SMPD3: variants seen among roughly 807,000 people sequenced by gnomAD.
SMPD3 encodes sphingomyelin phosphodiesterase 3.
Under a neutral mutation model 55.7 loss-of-function variants are expected in SMPD3, and 21 were observed. The observed-to-expected ratio is 0.38, with a 90% CI of 0.27 to 0.54. The LOEUF (loss-of-function observed/expected upper bound fraction) is 0.54, where lower values mean the gene tolerates loss of function less well. Among genes scored for constraint, SMPD3 ranks in the 20% least tolerant of loss-of-function variants. The pLI is 0.80. For missense variants in SMPD3, 842 were observed against 899.6 expected, an observed-to-expected ratio of 0.94 and a Z score of 0.82; for synonymous variants, 457 against 404.3, an observed-to-expected ratio of 1.13 and a Z score of -1.56.
At position 68,363,734 on chromosome 16, in the gene SMPD3, T is replaced by TG; in HGVS notation, c.1645+42dup. On this transcript the variant is annotated intron_variant, in intron 6 of 8. Coordinates refer to ENST00000219334, the MANE Select transcript of SMPD3 (RefSeq NM_018667.4). Reference sequence around the variant, plus strand: ...CCTGGTGATCTTTGAGGGAAGTCTGTGGGGAGCCCAGCTCCCATCCTCCTC... The same window carrying TG: ...CCTGGTGATCTTTGAGGGAAGTCTGTGGGGGAGCCCAGCTCCCATCCTCCTC... 2.0e-6 allele frequency: 3 copies of TG among 1,517,582 alleles called. No individual in the cohort carries two copies. The South Asian group carries it at 3.6e-5, about 18-fold the overall frequency. The allele number at this position is 1,517,582 out of a possible 1,614,324, so 94.0% of individuals were successfully genotyped here.
chr16:68,435,512 T>TC (rs1391506697), intron 1 of SMPD3, among the ~76,000 whole-genome samples: 1 of 150,718 alleles, frequency 6.6e-6, no homozygotes. Flanking sequence ...AGTTGGTTGC[T>TC]CCCCCGTATC....
chr16:68,402,896 G>A (rs1314470949), intron 1 of SMPD3, among the ~76,000 whole-genome samples: 1 of 152,364 alleles, frequency 6.6e-6, no homozygotes, highest in South Asian at 2.1e-4. Flanking sequence ...CCAGGAAGAC[G>A]CTGAGAAGGG....
intron 2 of SMPD3, 88 bp from the exon 3 acceptor site, chr16:68,372,475 C>T (rs1333091008): frequency 2.1e-6 from 1 of 476,176 alleles, no homozygotes; most frequent in African/African-American, 2.0e-5. Context: ...TCATCCCACT[C>T]CTGCTTCCCC....
At chr16:68,438,042 G>T (rs1331564211) in intron 1 of SMPD3, among the ~76,000 whole-genome samples, 1 of 152,122 alleles carries the variant, frequency 6.6e-6, no homozygotes. Context: ...CCCAACTCAG[G>T]CCCTCCCAGC....
At chr16:68,380,391 G>T (rs551428755) in intron 2 of SMPD3, among the ~76,000 whole-genome samples, 5 of 152,398 alleles carry the variant, frequency 3.3e-5, no homozygotes, top group Non-Finnish European at 5.9e-5. Flanking sequence ...CTCCGGGGCC[G>T]AACTGGAGCA....
At chr16:68,395,749 T>C (rs977755456) in intron 1 of SMPD3, among the ~76,000 whole-genome samples, 2 of 152,258 alleles carry the variant, frequency 1.3e-5, no homozygotes, top group African/African-American at 4.8e-5. Context: ...TAGACATTCC[T>C]ATACATGAGA....
Position 68,358,639 on chromosome 16 carries a change from T to C in SMPD3, c.*2567A>G, listed in dbSNP as rs766039102. On this transcript the variant is annotated 3_prime_UTR_variant, in exon 9 of 9. Transcript: ENST00000219334. ...TAGTTAAAAAGCATCAAGATTAATA[T>C]ACTTAAAACTTAAGGTGGTTTTGGA... The C allele has an allele frequency of 2.0e-5, 3 of 152,684 alleles. No individual in the cohort carries two copies. Among genetic ancestry groups the C allele is most frequent in the Admixed American group, 6.5e-5 (1 of 15,288 alleles). 9.5% of individuals were successfully genotyped at this position (152,684 alleles called of 1,614,324 possible).
chr16:68,392,967 C>A (rs2090125368), intron 1 of SMPD3, among the ~76,000 whole-genome samples: 1 of 151,564 alleles, frequency 6.6e-6, no homozygotes, highest in African/African-American at 2.4e-5. Context: ...TCAGCCAGAA[C>A]ATTGATCTCA....
At chr16:68,403,121 C>G (rs1218915273) in intron 1 of SMPD3, among the ~76,000 whole-genome samples, 1 of 152,218 alleles carries the variant, frequency 6.6e-6, no homozygotes, top group Non-Finnish European at 1.5e-5. Context: ...TGTTCAGGTC[C>G]CTGTTTCAAA....
chr16:68,420,259 A>G (rs530885256), intron 1 of SMPD3, among the ~76,000 whole-genome samples: 3 of 152,240 alleles, frequency 2.0e-5, no homozygotes, highest in South Asian at 2.1e-4. Flanking sequence ...CTTATTACTA[A>G]TATCATTACT....
chr16:68,445,530 C>A, intron 1 of SMPD3, among the ~76,000 whole-genome samples: 1 of 152,152 alleles, frequency 6.6e-6, no homozygotes, highest in Middle Eastern at 3.2e-3. Flanking sequence ...AGGAGGGAGC[C>A]CCCCAATAGA....
intron 1 of SMPD3, among the ~76,000 whole-genome samples, chr16:68,411,966 C>A (rs941654799): frequency 6.6e-6 from 1 of 152,126 alleles, no homozygotes; most frequent in Admixed American, 6.5e-5. Flanking sequence ...GGTGGGGGAG[C>A]TTTTGAGACA....
At chr16:68,420,854 C>T (rs1262184641) in intron 1 of SMPD3, among the ~76,000 whole-genome samples, 2 of 152,136 alleles carry the variant, frequency 1.3e-5, no homozygotes, top group Non-Finnish European at 2.9e-5. Flanking sequence ...TAGGTGGGGG[C>T]CCTGAACCCA....
chr16:68,388,098 A>T (rs1367137250), intron 1 of SMPD3, among the ~76,000 whole-genome samples: 3 of 152,236 alleles, frequency 2.0e-5, no homozygotes, highest in Admixed American at 1.3e-4. Flanking sequence ...GGCCAGGACC[A>T]AATGAGCACC....
Position 68,447,483 on chromosome 16 carries a change from C to A in SMPD3, c.-269+870G>T, listed in dbSNP as rs1047884785. On this transcript the variant is annotated intron_variant, in intron 1 of 8. Coordinates refer to ENST00000219334, the MANE Select transcript of SMPD3 (RefSeq NM_018667.4). This position sits in a 1 kb window ranked among gnomAD's most constrained non-coding sequence, Gnocchi z 5.1. Reference sequence around the variant, plus strand: ...AGGCCTGGATCCAGGTAGGGAGGGCCTGGGAGATAAGGCCCAGGTGGGGAG... The same window carrying A: ...AGGCCTGGATCCAGGTAGGGAGGGCATGGGAGATAAGGCCCAGGTGGGGAG... Among the ~76,000 whole-genome samples the A allele has an allele frequency of 6.6e-6, 1 of 152,170 alleles. No individual in the cohort carries two copies. The highest frequency in any genetic ancestry group is 2.4e-5 in the African/African-American group (1 of 41,444).
intron 2 of SMPD3, among the ~76,000 whole-genome samples, chr16:68,379,940 G>C (rs1161387564): frequency 6.6e-6 from 1 of 152,248 alleles, no homozygotes; most frequent in African/African-American, 2.4e-5. Flanking sequence ...AGGTGCAAGA[G>C]CCAACGTGAT....
chr16:68,381,517 C>A (rs2089951308), intron 2 of SMPD3, among the ~76,000 whole-genome samples: 1 of 152,184 alleles, frequency 6.6e-6, no homozygotes, highest in Non-Finnish European at 1.5e-5. Flanking sequence ...ACTTCCTGGT[C>A]CTCTGGCGGT....
chr16:68,363,589 G>A (rs372512163), intron 6 of SMPD3, 30 bp from the exon 7 acceptor site: 23 of 1,604,212 alleles, frequency 1.4e-5, no homozygotes, highest in African/African-American at 4.0e-5. Context: ...GACAGTGGTC[G>A]CTGCAGGCAG....
rs566233956 is a variant in SMPD3, at chr16:68,377,944, C to T, written c.-206-5557G>A. ...AGCATTTTCTAGGGATCTCTGAGCCCGGGGGAGCTTCTGGAAAATTGAGTA... is the reference window on the plus strand; with the variant it reads ...AGCATTTTCTAGGGATCTCTGAGCCTGGGGGAGCTTCTGGAAAATTGAGTA... On this transcript the variant is annotated intron_variant, in intron 2 of 8. Coordinates refer to ENST00000219334, the MANE Select transcript of SMPD3 (RefSeq NM_018667.4). Among the ~76,000 whole-genome samples, 6 of 152,320 alleles carry T rather than the reference C, an allele frequency of 3.9e-5. No homozygotes were observed. In the South Asian group the frequency reaches 6.2e-4, roughly 16 times the overall value.
Sources: gnomAD v4.1 joint callset for allele counts (sites outside exome capture counted in the v4.1 genomes callset) on GRCh38, gnomAD v4.1.1 for gene constraint, Gnocchi (gnomAD v3.1) non-coding constraint, MANE v1.5 for transcripts, NCBI Gene and HGNC (gene_info 2026-07-23, HGNC 2026-07-21) for gene names.